The following EMC2 variants were observed in gnomAD, a reference collection of about 807,000 sequenced individuals.
The protein encoded by EMC2 is TPR repeat protein 35.
Under a neutral mutation model 51.6 loss-of-function variants are expected in EMC2, and 37 were observed. The observed-to-expected ratio is 0.72, with a 90% CI of 0.55 to 0.94. The LOEUF (loss-of-function observed/expected upper bound fraction) is 0.94, where lower values mean the gene tolerates loss of function less well. Ranked by LOEUF, EMC2 falls within the 40% of genes least tolerant of loss-of-function variation. The pLI, the probability that EMC2 is intolerant of heterozygous loss-of-function variation, is 0.00. For missense variants in EMC2, 359 were observed against 350.9 expected, an observed-to-expected ratio of 1.02 and a Z score of -0.18; for synonymous variants, 131 against 112.4, an observed-to-expected ratio of 1.17 and a Z score of -1.04.
chr8:108,470,147 T>G (rs1038975762), intron 7 of EMC2, 26 bp downstream of exon 7: 2 of 1,536,882 alleles, frequency 1.3e-6, no homozygotes, highest in Non-Finnish European at 1.8e-6. Context: ...CACAACATTT[T>G]GTTGAGTGCA....
intron 5 of EMC2, among the ~76,000 whole-genome samples, chr8:108,467,422 C>T (rs1810748674): frequency 1.3e-5 from 2 of 151,914 alleles, no homozygotes; most frequent in South Asian, 4.1e-4. Flanking sequence ...AGTCTCAGCT[C>T]ACTGCAACCT....
chr8:108,455,823 CTA>C, intron 4 of EMC2, 48 bp from the exon 5 acceptor site: 1 of 654,678 alleles, frequency 1.5e-6, no homozygotes, highest in African/African-American at 2.0e-5. Flanking sequence ...CTATTTATCA[CTA>C]TATTTTTAAG....
intron 3 of EMC2, among the ~76,000 whole-genome samples, chr8:108,452,502 G>A (rs552058847): frequency 6.6e-6 from 1 of 152,276 alleles, no homozygotes; most frequent in South Asian, 2.1e-4. Flanking sequence ...AGGAGGTGGA[G>A]TTTGCAGTGA....
intron 5 of EMC2, among the ~76,000 whole-genome samples, chr8:108,467,991 A>G (rs1454807124): frequency 6.6e-6 from 1 of 152,202 alleles, no homozygotes; most frequent in Non-Finnish European, 1.5e-5. Flanking sequence ...TGAGGTTTGT[A>G]GAGGTTAAAA....
At chr8:108,476,940 A>G in intron 9 of EMC2, 48 bp downstream of exon 9, 1 of 921,568 alleles carries the variant, frequency 1.1e-6, no homozygotes, top group East Asian at 2.5e-5. Context: ...TCTGTCACTT[A>G]AAATCCATTT....
At chr8:108,470,196 C>T (rs1810825936) in intron 7 of EMC2, 75 bp downstream of exon 7, 7 of 974,728 alleles carry the variant, frequency 7.2e-6, no homozygotes, top group African/African-American at 1.6e-5. Flanking sequence ...CTGTGGTTTC[C>T]AAAGGATTGG....
At chr8:108,486,010 A>C (rs1011558800) in intron 10 of EMC2, among the ~76,000 whole-genome samples, 7 of 151,892 alleles carry the variant, frequency 4.6e-5, no homozygotes, top group African/African-American at 1.7e-4. Context: ...AACTTAAAAA[A>C]AATTATGAGC....
chr8:108,451,088 A>G (rs1819007365), intron 3 of EMC2, among the ~76,000 whole-genome samples: 1 of 152,126 alleles, frequency 6.6e-6, no homozygotes, highest in Admixed American at 6.6e-5. Context: ...CTCTAGTCCC[A>G]GCTACTCTGG....
intron 5 of EMC2, among the ~76,000 whole-genome samples, chr8:108,469,531 A>G (rs1247674782): frequency 6.6e-6 from 1 of 152,182 alleles, no homozygotes; most frequent in Non-Finnish European, 1.5e-5. Context: ...TTTAAGTTGG[A>G]TAAAGATTAA....
intron 10 of EMC2, 89 bp from the exon 11 acceptor site, chr8:108,486,417 CAATGTT>C (rs1378318291): frequency 1.2e-5 from 16 of 1,374,244 alleles, no homozygotes; most frequent in South Asian, 3.6e-5. Context: ...ATAAAATAGT[CAATGTT>C]AAGTTTCATT....
intron 5 of EMC2, among the ~76,000 whole-genome samples, chr8:108,468,792 C>G (rs1394153312): frequency 6.6e-6 from 1 of 152,152 alleles, no homozygotes; most frequent in African/African-American, 2.4e-5. Flanking sequence ...GTATTTGAAG[C>G]AAACATAAAT....
intron 2 of EMC2, 116 bp from the exon 3 acceptor site, chr8:108,450,312 A>G (rs1818985591): frequency 1.5e-6 from 1 of 688,512 alleles, no homozygotes; most frequent in Non-Finnish European, 2.6e-6. Context: ...ACAATAAATC[A>G]GTTTTCAGTT....
intron 10 of EMC2, among the ~76,000 whole-genome samples, chr8:108,479,442 T>TA (rs1811007487): frequency 6.6e-6 from 1 of 150,406 alleles, no homozygotes. Context: ...TATGTGAGTG[T>TA]ATTATTAATC....
rs777834678 is a variant in EMC2 at position 108,486,583 on chromosome 8, G to T, written c.879G>T (p.Gln293His). 1.9e-6 allele frequency: 3 copies of T among 1,603,584 alleles called. No individual in the cohort carries two copies. The Admixed American group carries it at 5.1e-5, about 27-fold the overall frequency. Residue 293 changes from glutamine (Q) to histidine (H), a missense_variant, in exon 11 of 11, where the codon CAG becomes CAT. Coordinates refer to ENST00000220853, the MANE Select transcript of EMC2 (RefSeq NM_014673.5). ...KAVEDMLETL[Q>H]ITQS ...TCGAAGACATGTTGGAAACATTGCA[G>T]ATCACCCAGTCTTAAGGTTTCAAAA...
intron 3 of EMC2, among the ~76,000 whole-genome samples, chr8:108,451,186 G>C (rs2130338208): frequency 6.7e-6 from 1 of 149,436 alleles, no homozygotes; most frequent in Middle Eastern, 3.4e-3. Flanking sequence ...CTGGGCAACA[G>C]AGCGAGACTC....
At position 108,486,742 on chromosome 8, in the gene EMC2, T is replaced by G. The variant is rs558839420; in HGVS notation, c.*144T>G. On this transcript the variant is annotated 3_prime_UTR_variant, in exon 11 of 11. Transcript: ENST00000220853. Reference sequence around the variant, plus strand: ...GGCAGTTGTAAAGAATGTGTTTATATAAACCTAAAAATGCCTTTTACTGCT... The same window carrying G: ...GGCAGTTGTAAAGAATGTGTTTATAGAAACCTAAAAATGCCTTTTACTGCT... 113 of 852,276 alleles carry G rather than the reference T, an allele frequency of 1.3e-4. 2 individuals are homozygous for G. The South Asian group carries it at 3.3e-3, about 25-fold the overall frequency. 52.8% of individuals were successfully genotyped at this position (852,276 alleles called of 1,614,324 possible). A position where few individuals can be genotyped will look rare whatever the true frequency, so the allele number is the denominator to read the frequency against.
chr8:108,475,651 T>G lies in EMC2; in HGVS notation c.510-231T>G, dbSNP rs192028856. 6.4e-4 allele frequency: 268 copies of G among 421,188 alleles called. 1 individual carries two copies. The highest frequency in any genetic ancestry group is 5.3e-3 in the African/African-American group (250 of 47,436). The allele number at this position is 421,188 out of a possible 1,614,324, so 26.1% of individuals were successfully genotyped here. A position where few individuals can be genotyped will look rare whatever the true frequency, so the allele number is the denominator to read the frequency against. On this transcript the variant is annotated intron_variant, in intron 7 of 10. Transcript: ENST00000220853. ...TGAAATGTAGTATCTATTGATTGTT[T>G]GCAGGCTGCTTTAAGATTTAAGCCT... is the stretch of plus-strand genomic sequence containing the variant.
intron 7 of EMC2, among the ~76,000 whole-genome samples, chr8:108,473,042 A>G (rs1390078432): frequency 1.3e-5 from 2 of 152,004 alleles, no homozygotes; most frequent in African/African-American, 2.4e-5. Flanking sequence ...ATAAATATCT[A>G]TAGTATAATT....
At chr8:108,445,389 G>A (rs1438052955) in intron 1 of EMC2, among the ~76,000 whole-genome samples, 1 of 152,042 alleles carries the variant, frequency 6.6e-6, no homozygotes, top group Non-Finnish European at 1.5e-5. Context: ...GCCTATGCTG[G>A]CCTTTGTTGA....
Sources: allele counts gnomAD v4.1 joint callset (sites outside exome capture counted in the v4.1 genomes callset), GRCh38; gene constraint gnomAD v4.1.1; transcripts MANE v1.5; gene names NCBI Gene and HGNC (gene_info 2026-07-23, HGNC 2026-07-21).